BCAS1: variants seen among roughly 807,000 people sequenced by gnomAD.
BCAS1 encodes brain enriched myelin associated protein 1.
Under a neutral mutation model 65.4 loss-of-function variants are expected in BCAS1, and 46 were observed. The observed-to-expected ratio is 0.70, with a 90% CI of 0.55 to 0.90. The LOEUF is 0.90. Among genes scored for constraint, BCAS1 ranks in the 40% least tolerant of loss-of-function variants. The pLI is 0.00. For missense variants in BCAS1, 793 were observed against 771.2 expected (o/e 1.03, Z -0.33); for synonymous variants, 298 against 293.5 (o/e 1.02, Z -0.16).
chr20:53,978,843 GA>G (rs34736601), intron 8 of BCAS1, among the ~76,000 whole-genome samples: 6,325 of 152,276 alleles, frequency 0.042, 399 homozygotes, highest in East Asian at 0.32. Flanking sequence ...ATACACTGTG[GA>G]ATCAGGTACA....
intron 10 of BCAS1, 81 bp from the exon 11 acceptor site, chr20:53,957,578 C>A: frequency 7.7e-7 from 1 of 1,302,676 alleles, no homozygotes; most frequent in Non-Finnish European, 1.1e-6. Context: ...AATGGATGAT[C>A]TCAGTCATTT....
chr20:53,976,398 T>A (rs1474261328), intron 8 of BCAS1, among the ~76,000 whole-genome samples: 3 of 152,186 alleles, frequency 2.0e-5, no homozygotes, highest in African/African-American at 7.2e-5. Context: ...GAACTCTGTC[T>A]ATATCCATTT....
chr20:53,953,928 A>G (rs2080171097), intron 11 of BCAS1, among the ~76,000 whole-genome samples: 1 of 152,154 alleles, frequency 6.6e-6, no homozygotes, highest in African/African-American at 2.4e-5. Context: ...TATCCCAGAA[A>G]GCACTCTTTA....
intron 1 of BCAS1, among the ~76,000 whole-genome samples, chr20:54,059,748 C>T (rs1298433746): frequency 2.6e-5 from 4 of 152,218 alleles, no homozygotes; most frequent in Non-Finnish European, 5.9e-5. Flanking sequence ...ATTGAACACT[C>T]TGGGAAATTG....
chr20:54,045,222 A>AAC (rs1647674482), intron 3 of BCAS1, among the ~76,000 whole-genome samples: 3 of 149,020 alleles, frequency 2.0e-5, no homozygotes, highest in Non-Finnish European at 3.0e-5. Flanking sequence ...AAAAAAAAAA[A>AAC]AAAACAAAAC....
chr20:53,968,486 C>A (rs1159100081), intron 9 of BCAS1, among the ~76,000 whole-genome samples: 1 of 152,174 alleles, frequency 6.6e-6, no homozygotes, highest in Non-Finnish European at 1.5e-5. Flanking sequence ...TGCAAAATGA[C>A]CCGAATTTTC....
intron 3 of BCAS1, among the ~76,000 whole-genome samples, chr20:54,056,471 GA>G (rs1313949341): frequency 6.6e-6 from 1 of 152,072 alleles, no homozygotes; most frequent in Non-Finnish European, 1.5e-5. Flanking sequence ...GGTGGGAGTG[GA>G]ATGAGGGTGA....
rs1196766555 is a variant in BCAS1 at position 53,992,680 on chromosome 20, T to C, written c.928-34A>G. 3.7e-6 allele frequency: 5 copies of C among 1,363,062 alleles called. No homozygotes were observed. In the Admixed American group the frequency reaches 5.8e-5, roughly 16 times the overall value. The allele number at this position is 1,363,062 out of a possible 1,614,324, so 84.4% of individuals were successfully genotyped here. ...CAACAGCAGTCACAACCTCAGAACT[T>C]TGTTTTTGAACAAAATTCTTTTTGT... On this transcript the variant is annotated intron_variant, in intron 6 of 12. Coordinates refer to ENST00000688948, the MANE Select transcript of BCAS1 (RefSeq NM_001366298.2).
chr20:54,036,577 C>T lies in BCAS1; in HGVS notation c.143-7605G>A, dbSNP rs1057409096. Among the ~76,000 whole-genome samples, 11 of 151,314 alleles carry T rather than the reference C, an allele frequency of 7.3e-5. 2 individuals carry two copies. Among genetic ancestry groups the T allele is most frequent in the Non-Finnish European group, 1.0e-4 (7 of 67,598 alleles). On this transcript the variant is annotated intron_variant, in intron 3 of 12. Transcript: ENST00000688948. ...AATGGATAACCCGGGTAAGTTATTT[C>T]CTGTCTCTGTGCCTCAGTTTTCTTA... is the stretch of plus-strand genomic sequence containing the variant.
At chr20:54,008,569 C>A (rs1406939749) in intron 4 of BCAS1, among the ~76,000 whole-genome samples, 1 of 152,190 alleles carries the variant, frequency 6.6e-6, no homozygotes, top group Non-Finnish European at 1.5e-5. Context: ...TTTGCCTCCA[C>A]CTGACAGTAA....
chr20:54,037,109 C>G (rs1163217357), intron 3 of BCAS1, among the ~76,000 whole-genome samples: 2 of 150,850 alleles, frequency 1.3e-5, no homozygotes, highest in Non-Finnish European at 3.0e-5. Flanking sequence ...GTGTATTAGT[C>G]TATTTCCATA....
intron 4 of BCAS1, among the ~76,000 whole-genome samples, chr20:54,002,225 C>T (rs994057935): frequency 6.6e-6 from 1 of 152,148 alleles, no homozygotes; most frequent in Non-Finnish European, 1.5e-5. Context: ...GCCTGCTGGG[C>T]TCTGCCTCAG....
At chr20:54,010,204 C>T (rs571789940) in intron 4 of BCAS1, among the ~76,000 whole-genome samples, 1 of 152,128 alleles carries the variant, frequency 6.6e-6, no homozygotes, top group South Asian at 2.1e-4. Context: ...TATTTGTATT[C>T]TACATAGTAG....
intron 1 of BCAS1, among the ~76,000 whole-genome samples, chr20:54,069,425 A>G (rs902391366): frequency 2.0e-5 from 3 of 152,202 alleles, no homozygotes; most frequent in Admixed American, 2.0e-4. Flanking sequence ...TTGTGTTAAC[A>G]TACCGTTTAT....
At position 53,975,442 on chromosome 20, in the gene BCAS1, TAAAAAC is replaced by T; in HGVS notation, c.1276-18_1276-13del. On this transcript the variant is annotated splice_polypyrimidine_tract_variant and intron_variant, in intron 8 of 12. Transcript: ENST00000688948. ...TCCTCTTTAACTGACTAAAGGAAGA[TAAAAAC>T]AAAAGTGAGAGTTAAAAGGTTACAG... The T allele has an allele frequency of 6.2e-7, 1 of 1,610,732 alleles. No individual in the cohort carries two copies.
intron 3 of BCAS1, among the ~76,000 whole-genome samples, chr20:54,046,278 C>A (rs1485023000): frequency 6.6e-6 from 1 of 152,020 alleles, no homozygotes; most frequent in East Asian, 1.9e-4. Context: ...GCCTGTAATC[C>A]CAGCACTTTG....
intron 10 of BCAS1, among the ~76,000 whole-genome samples, chr20:53,963,041 A>G (rs867441437): frequency 4.6e-3 from 700 of 151,568 alleles, no homozygotes; most frequent in African/African-American, 0.016. Context: ...TAGTAGAGAC[A>G]GGGTTTCACC....
intron 4 of BCAS1, among the ~76,000 whole-genome samples, chr20:54,025,508 A>G (rs1372743715): frequency 6.6e-6 from 1 of 152,206 alleles, no homozygotes; most frequent in African/African-American, 2.4e-5. Flanking sequence ...TATAAGGCAC[A>G]AAAATAAGAT....
At chr20:54,043,297 TTGATGA>T (rs3831640) in intron 3 of BCAS1, among the ~76,000 whole-genome samples, 1,864 of 149,946 alleles carry the variant, frequency 0.012, 35 homozygotes, top group African/African-American at 0.04. Flanking sequence ...CTATGATAAC[TTGATGA>T]TGATGATGAT....
Sources: allele counts gnomAD v4.1 joint callset (sites outside exome capture counted in the v4.1 genomes callset), GRCh38; gene constraint gnomAD v4.1.1; transcripts MANE v1.5; gene names NCBI Gene and HGNC (gene_info 2026-07-23, HGNC 2026-07-21).